Variants in SPIN1 observed in about 807,000 individuals in gnomAD.
The protein encoded by SPIN1 is spindlin-1.
A neutral mutation model predicts 26.0 loss-of-function variants in SPIN1; 3 were observed. The ratio of observed to expected loss-of-function variants is 0.12; its 90% CI spans 0.05 to 0.30. The LOEUF is 0.30. Ranked by LOEUF, SPIN1 falls within the 10% of genes least tolerant of loss-of-function variation. SPIN1 has a pLI of 1.00. For missense variants in SPIN1, 126 were observed against 333.4 expected (o/e 0.38, Z 4.84); for synonymous variants, 101 against 116.5 (o/e 0.87, Z 0.86).
chr9:88,424,077 T>A (rs1162893867), intron 1 of SPIN1, among the ~76,000 whole-genome samples: 5 of 152,128 alleles, frequency 3.3e-5, no homozygotes, highest in Admixed American at 3.3e-4. Flanking sequence ...CTTTACATCG[T>A]GTGTTGTATG....
intron 1 of SPIN1, among the ~76,000 whole-genome samples, chr9:88,425,221 A>G (rs1457885397): frequency 2.0e-5 from 3 of 152,050 alleles, no homozygotes; most frequent in Non-Finnish European, 4.4e-5. Context: ...AATGAGGGAA[A>G]AGAGGGATAT....
chr9:88,465,597 T>C (rs901166065), intron 4 of SPIN1, among the ~76,000 whole-genome samples: 19 of 152,246 alleles, frequency 1.2e-4, no homozygotes, highest in African/African-American at 4.3e-4. Context: ...AAATCATCTT[T>C]GGGGAAATAT....
At chr9:88,460,067 A>G (rs1003960254) in intron 3 of SPIN1, among the ~76,000 whole-genome samples, 2 of 152,138 alleles carry the variant, frequency 1.3e-5, no homozygotes, top group Non-Finnish European at 2.9e-5. Flanking sequence ...AGCGCCAGTC[A>G]TTCTGGGTTT....
At chr9:88,414,740 C>T (rs1022730544) in intron 1 of SPIN1, among the ~76,000 whole-genome samples, 5 of 152,088 alleles carry the variant, frequency 3.3e-5, no homozygotes, top group South Asian at 2.1e-4. Flanking sequence ...GTTTGTTGCA[C>T]GCATTCATGA....
chr9:88,455,397 G>A lies in SPIN1; in HGVS notation c.101+6408G>A, dbSNP rs572263112. Among the ~76,000 whole-genome samples, 18 of 152,246 alleles carry A rather than the reference G, an allele frequency of 1.2e-4. 1 individual carries two copies. In the South Asian group the frequency reaches 3.1e-3, roughly 26 times the overall value. On this transcript the variant is annotated intron_variant, in intron 3 of 5. Coordinates refer to ENST00000375859, the MANE Select transcript of SPIN1 (RefSeq NM_006717.3). ...CTTGAACCGGGGAGACAGAGGTTGC[G>A]GTGAGCTGAGATCACGCCATTGCAC...
chr9:88,451,520 T>C (rs1407087966), intron 3 of SPIN1, among the ~76,000 whole-genome samples: 2 of 152,164 alleles, frequency 1.3e-5, no homozygotes, highest in African/African-American at 2.4e-5. Flanking sequence ...GTCCATGATT[T>C]GGGACAAACA....
chr9:88,454,543 A>G (rs1350695823), intron 3 of SPIN1, among the ~76,000 whole-genome samples: 3 of 152,174 alleles, frequency 2.0e-5, no homozygotes, highest in Non-Finnish European at 4.4e-5. Flanking sequence ...TAGAAATTAA[A>G]ATTTCTTTTA....
chr9:88,459,063 A>T (rs1318183390), intron 3 of SPIN1, among the ~76,000 whole-genome samples: 3 of 151,534 alleles, frequency 2.0e-5, no homozygotes, highest in Admixed American at 6.6e-5. Context: ...GTATTTGCTT[A>T]TAATTTTGTT....
At chr9:88,464,763 AAC>A (rs1828629357) in intron 4 of SPIN1, among the ~76,000 whole-genome samples, 1 of 152,202 alleles carries the variant, frequency 6.6e-6, no homozygotes, top group Non-Finnish European at 1.5e-5. Context: ...ATTGTAAAAA[AAC>A]ATAGCATAAA....
intron 4 of SPIN1, among the ~76,000 whole-genome samples, chr9:88,466,725 TTGTTTGTTGTTGTTG>T (rs1423008836): frequency 6.6e-6 from 1 of 152,102 alleles, no homozygotes; most frequent in African/African-American, 2.4e-5. Context: ...GGAGAGCTAA[TTGTTTGTTGTTGTTG>T]TTTTTGTTGT....
intron 1 of SPIN1, among the ~76,000 whole-genome samples, chr9:88,414,461 A>G (rs1379890029): frequency 1.3e-4 from 20 of 152,212 alleles, no homozygotes; most frequent in Admixed American, 1.2e-3. Context: ...GCTGGGACAA[A>G]GGCCATCCAG....
intron 5 of SPIN1, among the ~76,000 whole-genome samples, chr9:88,471,762 C>T (rs1325077586): frequency 6.6e-6 from 1 of 151,398 alleles, no homozygotes; most frequent in Non-Finnish European, 1.5e-5. Flanking sequence ...GTTGCTGTGC[C>T]AGTGCTGCAT....
Position 88,475,122 on chromosome 9 carries a change from A to T in SPIN1, c.634A>T (p.Ser212Cys). Residue 212 changes from serine to cysteine, a missense_variant, in exon 6 of 6, where the codon AGC becomes TGC. Coordinates refer to ENST00000375859, the MANE Select transcript of SPIN1 (RefSeq NM_006717.3). ...AAGGGAACCAGGAGAAGTTGTGGACAGCCTGGTAGGCAAACAAGTGGAATA... is the reference window on the plus strand; with the variant it reads ...AAGGGAACCAGGAGAAGTTGTGGACTGCCTGGTAGGCAAACAAGTGGAATA... Reference protein sequence around the residue: ...AEREPGEVVDSLVGKQVEYAK... With the variant: ...AEREPGEVVDCLVGKQVEYAK... The T allele has an allele frequency of 6.2e-7, 1 of 1,608,762 alleles. No individual in the cohort carries two copies. Among genetic ancestry groups the T allele is most frequent in the Non-Finnish European group, 8.5e-7 (1 of 1,179,038 alleles).
intron 2 of SPIN1, among the ~76,000 whole-genome samples, chr9:88,439,133 G>A (rs904177816): frequency 6.6e-6 from 1 of 152,140 alleles, no homozygotes; most frequent in Non-Finnish European, 1.5e-5. Flanking sequence ...GTTGTTTGTT[G>A]TTGCTGTTAA....
At chr9:88,426,765 T>TA (rs1188748753) in intron 2 of SPIN1, among the ~76,000 whole-genome samples, 174 bp downstream of exon 2, 1 of 152,224 alleles carries the variant, frequency 6.6e-6, no homozygotes, top group Non-Finnish European at 1.5e-5. Flanking sequence ...GAAAGGGAAG[T>TA]AGTCACATGA....
intron 3 of SPIN1, 105 bp downstream of exon 3, chr9:88,449,094 C>T: frequency 9.7e-7 from 1 of 1,031,096 alleles, no homozygotes; most frequent in Non-Finnish European, 1.5e-6. Flanking sequence ...CGAGGGCTTC[C>T]TAGCTCATAG....
At chr9:88,452,073 A>T (rs765089328) in intron 3 of SPIN1, among the ~76,000 whole-genome samples, 3 of 152,232 alleles carry the variant, frequency 2.0e-5, no homozygotes, top group Non-Finnish European at 4.4e-5. Context: ...AGAATCTACT[A>T]AACACTAAAT....
chr9:88,420,399 CAA>C (rs972465255), intron 1 of SPIN1, among the ~76,000 whole-genome samples: 2 of 152,076 alleles, frequency 1.3e-5, no homozygotes, highest in African/African-American at 4.8e-5. Flanking sequence ...AGAAACAAAA[CAA>C]AAGAGTTTTA....
chr9:88,391,833 C>T lies in SPIN1; in HGVS notation c.-159+3295C>T, dbSNP rs1826926043. ...GGTTAAACTTTTGTGGTGGGTCCATCCGCGGTCTAGTCAACAGTACTAAGC... is the reference window on the plus strand; with the variant it reads ...GGTTAAACTTTTGTGGTGGGTCCATTCGCGGTCTAGTCAACAGTACTAAGC... On this transcript the variant is annotated intron_variant, in intron 1 of 5. Coordinates refer to ENST00000375859, the MANE Select transcript of SPIN1 (RefSeq NM_006717.3). 3 of 152,184 alleles carry T rather than the reference C, an allele frequency of 2.0e-5. No homozygotes were observed. The South Asian group carries it at 6.2e-4, about 32-fold the overall frequency. 9.4% of individuals were successfully genotyped at this position (152,184 alleles called of 1,614,324 possible). A position where few individuals can be genotyped will look rare whatever the true frequency, so the allele number is the denominator to read the frequency against.
Sources: gnomAD v4.1 joint callset for allele counts (sites outside exome capture counted in the v4.1 genomes callset) on GRCh38, gnomAD v4.1.1 for gene constraint, MANE v1.5 for transcripts, NCBI Gene and HGNC (gene_info 2026-07-23, HGNC 2026-07-21) for gene names.